TAFA1: variants seen among roughly 807,000 people sequenced by gnomAD.
TAFA1 encodes chemokine-like protein TAFA-1.
Under a neutral mutation model 18.5 loss-of-function variants are expected in TAFA1, and 4 were observed. The ratio of observed to expected loss-of-function variants is 0.22; its 90% CI spans 0.11 to 0.49. TAFA1 has a LOEUF of 0.49. TAFA1 is among the 20% of genes least tolerant of loss of function. TAFA1 has a pLI of 0.98. For missense variants in TAFA1, 147 were observed against 169.0 expected, an observed-to-expected ratio of 0.87 and a Z score of 0.72; for synonymous variants, 56 against 55.2, an observed-to-expected ratio of 1.01 and a Z score of -0.06.
intron 2 of TAFA1, among the ~76,000 whole-genome samples, chr3:68,194,511 A>C (rs991979369): frequency 2.6e-5 from 4 of 151,812 alleles, no homozygotes; most frequent in Non-Finnish European, 5.9e-5. Flanking sequence ...TGCAATCGTT[A>C]TGAAAGATAT....
intron 2 of TAFA1, among the ~76,000 whole-genome samples, chr3:68,312,981 G>C (rs969907646): frequency 2.0e-5 from 3 of 152,126 alleles, no homozygotes; most frequent in Non-Finnish European, 4.4e-5. Context: ...TTACATGGGT[G>C]GTGGCAGGCA....
chr3:68,488,753 T>G (rs1390110937), intron 3 of TAFA1, among the ~76,000 whole-genome samples: 1 of 152,194 alleles, frequency 6.6e-6, no homozygotes, highest in Non-Finnish European at 1.5e-5. Flanking sequence ...TATATGGCAT[T>G]GTTGTCTCAT....
At chr3:68,285,582 A>G (rs2067984531) in intron 2 of TAFA1, among the ~76,000 whole-genome samples, 1 of 152,188 alleles carries the variant, frequency 6.6e-6, no homozygotes, top group African/African-American at 2.4e-5. Flanking sequence ...TAATGACTTT[A>G]TATAAAAAAC....
At chr3:68,276,062 C>A (rs933160011) in intron 2 of TAFA1, among the ~76,000 whole-genome samples, 1 of 151,652 alleles carries the variant, frequency 6.6e-6, no homozygotes, top group African/African-American at 2.4e-5. Context: ...ATTACAATAC[C>A]CTGACTGTAT....
At chr3:68,539,256 T>C (rs529597946) in intron 4 of TAFA1, among the ~76,000 whole-genome samples, 1 of 152,334 alleles carries the variant, frequency 6.6e-6, no homozygotes, top group South Asian at 2.1e-4. Flanking sequence ...TGCGTTTAAG[T>C]ACACCTACAG....
chr3:68,124,815 C>T (rs992453339), intron 2 of TAFA1, among the ~76,000 whole-genome samples: 7 of 152,130 alleles, frequency 4.6e-5, no homozygotes, highest in Admixed American at 1.3e-4. Flanking sequence ...TCATTCACTA[C>T]CCACCTGTGA....
At position 68,018,497 on chromosome 3, in the gene TAFA1, A is replaced by T. The variant is rs567565971; in HGVS notation, c.118+11753A>T. On this transcript the variant is annotated intron_variant, in intron 2 of 4. Transcript: ENST00000478136. ...AATATTTATATCCAACAAATGGTTT[A>T]TTGCACCTCCTAGGGGCGGAGGACT... 2.0e-5 allele frequency among the ~76,000 whole-genome samples: 3 copies of T among 152,314 alleles called. No individual in the cohort carries two copies. In the South Asian group the frequency reaches 6.2e-4, roughly 32 times the overall value.
At chr3:68,475,280 G>A (rs4642133) in intron 3 of TAFA1, among the ~76,000 whole-genome samples, 1 of 151,786 alleles carries the variant, frequency 6.6e-6, no homozygotes, top group East Asian at 1.9e-4. Flanking sequence ...TTTAGCATTA[G>A]GTATATCTCC....
intron 2 of TAFA1, among the ~76,000 whole-genome samples, chr3:68,216,815 G>T (rs953637508): frequency 3.3e-5 from 5 of 152,086 alleles, no homozygotes; most frequent in African/African-American, 1.2e-4. Context: ...GAGCTCCCAA[G>T]AGCCAGCACT....
At chr3:68,472,105 T>A (rs902326495) in intron 3 of TAFA1, among the ~76,000 whole-genome samples, 1 of 152,076 alleles carries the variant, frequency 6.6e-6, no homozygotes, top group Non-Finnish European at 1.5e-5. Flanking sequence ...ATGATATGGT[T>A]TGACTGTGTC....
intron 2 of TAFA1, among the ~76,000 whole-genome samples, chr3:68,034,033 C>G (rs1327525535): frequency 6.6e-6 from 1 of 152,152 alleles, no homozygotes; most frequent in Non-Finnish European, 1.5e-5. Flanking sequence ...ATTGTGAAAT[C>G]GCTCTTCACC....
intron 2 of TAFA1, among the ~76,000 whole-genome samples, chr3:68,097,051 G>T (rs1044482702): frequency 1.4e-4 from 21 of 152,068 alleles, no homozygotes; most frequent in Admixed American, 1.3e-3. Flanking sequence ...TGAGCTGAGA[G>T]ATTTAATAAC....
intron 3 of TAFA1, among the ~76,000 whole-genome samples, chr3:68,532,131 CATAGACA>C (rs1328935396): frequency 6.6e-6 from 1 of 152,110 alleles, no homozygotes; most frequent in African/African-American, 2.4e-5. Flanking sequence ...TTAACATGTA[CATAGACA>C]TGGGAGTCCC....
rs572927381 is a variant in TAFA1 at position 68,438,616 on chromosome 3, C to CT, written c.259+21199dup. Among the ~76,000 whole-genome samples, 497 of 152,212 alleles carry CT rather than the reference C, an allele frequency of 3.3e-3. 3 individuals carry two copies. Among genetic ancestry groups the CT allele is most frequent in the Non-Finnish European group, 5.4e-3 (365 of 68,008 alleles). On this transcript the variant is annotated intron_variant, in intron 3 of 4. Transcript: ENST00000478136. ...ACTCCCTGGAGCACCTTCAACGCAC[C>CT]TTTCCACTCAGCATTGCTCTAGAGG...
At chr3:68,017,413 A>G (rs1020906891) in intron 2 of TAFA1, among the ~76,000 whole-genome samples, 1 of 152,206 alleles carries the variant, frequency 6.6e-6, no homozygotes, top group Non-Finnish European at 1.5e-5. Flanking sequence ...TCACCAGCTT[A>G]GGTTAATCAG....
chr3:68,265,935 A>C (rs1575728113), intron 2 of TAFA1, among the ~76,000 whole-genome samples: 1 of 152,200 alleles, frequency 6.6e-6, no homozygotes, highest in East Asian at 1.9e-4. Flanking sequence ...AATATTAAGA[A>C]GAAAAAAAAT....
chr3:68,147,181 G>A (rs2065752081), intron 2 of TAFA1, among the ~76,000 whole-genome samples: 1 of 151,874 alleles, frequency 6.6e-6, no homozygotes, highest in Non-Finnish European at 1.5e-5. Flanking sequence ...CCCTTGTTAT[G>A]GAAACTAAGT....
At chr3:68,463,220 C>T (rs1342800013) in intron 3 of TAFA1, among the ~76,000 whole-genome samples, 1 of 152,160 alleles carries the variant, frequency 6.6e-6, no homozygotes, top group East Asian at 1.9e-4. Flanking sequence ...AGCAGCAGAA[C>T]ACCATTAAAT....
chr3:68,330,145 C>T (rs1409185517), intron 2 of TAFA1, among the ~76,000 whole-genome samples: 1 of 152,150 alleles, frequency 6.6e-6, no homozygotes, highest in Non-Finnish European at 1.5e-5. Context: ...GTCCATGTAT[C>T]ATGGGCAAAT....
Sources: gnomAD v4.1 joint callset for allele counts (sites outside exome capture counted in the v4.1 genomes callset) on GRCh38, gnomAD v4.1.1 for gene constraint, MANE v1.5 for transcripts, NCBI Gene and HGNC (gene_info 2026-07-23, HGNC 2026-07-21) for gene names.